The following TEX11 variants were observed in gnomAD, a reference collection of about 807,000 sequenced individuals.
The protein encoded by TEX11 is testis-expressed protein 11.
A neutral mutation model predicts 84.4 loss-of-function variants in TEX11; 7 were observed. The observed-to-expected ratio is 0.08, with a 90% CI of 0.05 to 0.16. TEX11 has a LOEUF of 0.16. Among genes scored for constraint, TEX11 ranks in the 10% least tolerant of loss-of-function variants. The pLI is 1.00. For synonymous variants in TEX11, 264 were observed against 222.8 expected (o/e 1.18, Z -1.64); for missense variants, 551 against 660.5 (o/e 0.83, Z 1.82).
chrX:70,644,929 A>G (rs189675729), intron 17 of TEX11, among the ~76,000 whole-genome samples: 1 of 109,507 alleles, frequency 9.1e-6, no homozygotes, highest in African/African-American at 3.3e-5. Context: ...TAATAAAAAA[A>G]ATTAAAAAAA....
intron 12 of TEX11, among the ~76,000 whole-genome samples, chrX:70,723,496 ATAAAC>A (rs900735900): frequency 3.3e-4 from 37 of 111,905 alleles, no homozygotes; most frequent in Non-Finnish European, 6.2e-4. Flanking sequence ...TAAAAGCAAA[ATAAAC>A]TAAGAGAAAA....
chrX:70,874,528 A>G (rs1321111904), intron 3 of TEX11, among the ~76,000 whole-genome samples: 1 of 104,959 alleles, frequency 9.5e-6, no homozygotes, highest in Non-Finnish European at 1.9e-5. Flanking sequence ...CAGCCTCCCA[A>G]GTAGCTGGGA....
chrX:70,705,813 T>C (rs1029838258), intron 13 of TEX11, among the ~76,000 whole-genome samples: 1 of 111,360 alleles, frequency 9.0e-6, no homozygotes, highest in African/African-American at 3.3e-5. Flanking sequence ...AAACAACAGG[T>C]GCTGGTGAGG....
intron 17 of TEX11, among the ~76,000 whole-genome samples, chrX:70,645,694 A>C (rs2089733338): frequency 8.9e-6 from 1 of 111,785 alleles, no homozygotes; most frequent in African/African-American, 3.2e-5. Context: ...ATAGCTACAA[A>C]AATATTTAGG....
At chrX:70,808,724 T>C (rs968405078) in intron 8 of TEX11, among the ~76,000 whole-genome samples, 2 of 109,541 alleles carry the variant, frequency 1.8e-5, no homozygotes, top group Non-Finnish European at 3.8e-5. Context: ...AAATTTTATA[T>C]TTAAAAAAAG....
At chrX:70,849,308 C>T (rs778207749) in intron 7 of TEX11, among the ~76,000 whole-genome samples, 1 of 112,127 alleles carries the variant, frequency 8.9e-6, no homozygotes, top group African/African-American at 3.2e-5. Context: ...ACACATAGCA[C>T]TGAACACTGC....
chrX:70,565,784 C>T (rs1300053838), intron 25 of TEX11, among the ~76,000 whole-genome samples: 1 of 111,360 alleles, frequency 9.0e-6, no homozygotes, highest in South Asian at 3.8e-4. Flanking sequence ...GGTACCAGTA[C>T]CATGCTGTTT....
chrX:70,891,411 AG>A (rs1199051943), intron 2 of TEX11, among the ~76,000 whole-genome samples: 3 of 111,639 alleles, frequency 2.7e-5, no homozygotes, highest in African/African-American at 9.8e-5. Context: ...AGACTTCAAA[AG>A]GTCAGTAATA....
At chrX:70,775,824 C>A in intron 9 of TEX11, among the ~76,000 whole-genome samples, 1 of 46,002 alleles carries the variant, frequency 2.2e-5, no homozygotes, top group Admixed American at 2.6e-4. Flanking sequence ...ATACAAATGG[C>A]CAAACAAGTA....
chrX:70,809,727 C>A (rs1161825004), intron 8 of TEX11, among the ~76,000 whole-genome samples: 3 of 110,383 alleles, frequency 2.7e-5, no homozygotes, highest in Non-Finnish European at 1.9e-5. Context: ...GAGATAGAGT[C>A]ACTCCGTCGC....
chrX:70,610,111 G>T (rs1244131809), intron 21 of TEX11, among the ~76,000 whole-genome samples: 1 of 103,699 alleles, frequency 9.6e-6, no homozygotes, highest in Non-Finnish European at 2.0e-5. Context: ...AGAAAAGAAA[G>T]GTAGAGGGAC....
intron 11 of TEX11, among the ~76,000 whole-genome samples, chrX:70,732,684 C>G (rs1334900319): frequency 9.0e-6 from 1 of 111,288 alleles, no homozygotes; most frequent in Non-Finnish European, 1.9e-5. Flanking sequence ...ATTCCATGCT[C>G]ATGGGTAGGA....
chrX:70,648,978 G>T (rs371733779), intron 17 of TEX11, among the ~76,000 whole-genome samples: 3 of 110,385 alleles, frequency 2.7e-5, no homozygotes, highest in African/African-American at 9.9e-5. Context: ...TTTGGTTTTC[G>T]GTTCCTGCAT....
At position 70,553,373 on chromosome X, in the gene TEX11, G is replaced by A. The variant is rs747873016; in HGVS notation, c.2332C>T (p.Leu778Phe). Reference sequence around the variant, plus strand: ...AATAAAGCCTTTTTCAAGGCCTTGAGAGCAATCAAAGGATAGTGTGCAGGC... The same window carrying A: ...AATAAAGCCTTTTTCAAGGCCTTGAAAGCAATCAAAGGATAGTGTGCAGGC... ...EKPAHYPLIA[L>F]KALKKALLLY... The change falls in exon 27 of 30, where the codon CTC (leucine) becomes TTC (phenylalanine). Residue 778 changes from leucine to phenylalanine, a missense_variant. Coordinates refer to ENST00000374333, the MANE Select transcript of TEX11 (RefSeq NM_031276.3). The A allele has an allele frequency of 8.3e-7, 1 of 1,208,468 alleles. No homozygotes were observed. The highest frequency in any genetic ancestry group is 1.1e-6 in the Non-Finnish European group (1 of 893,663).
chrX:70,531,315 T>C (rs1387663846), intron 28 of TEX11, among the ~76,000 whole-genome samples: 3 of 111,431 alleles, frequency 2.7e-5, no homozygotes, highest in Non-Finnish European at 5.6e-5. Context: ...TTTCCCTGGC[T>C]CTCCACAATT....
intron 2 of TEX11, among the ~76,000 whole-genome samples, chrX:70,903,144 G>GTGCTGCGATTACAGGCATGAGCCACCA (rs1569464134): frequency 9.0e-6 from 1 of 110,731 alleles, no homozygotes; most frequent in African/African-American, 3.3e-5. Flanking sequence ...ACCTCCTGAA[G>GTGCTGCGATTACAGGCATGAGCCACCA]GAACTGCCTG....
chrX:70,536,107 G>T, intron 28 of TEX11, among the ~76,000 whole-genome samples: 1 of 109,769 alleles, frequency 9.1e-6, no homozygotes, highest in African/African-American at 3.3e-5. Flanking sequence ...CTTCCTTTTG[G>T]ACTTTATTTT....
intron 9 of TEX11, among the ~76,000 whole-genome samples, chrX:70,762,451 A>G (rs1459997401): frequency 9.0e-6 from 1 of 111,510 alleles, no homozygotes; most frequent in African/African-American, 3.3e-5. Context: ...GCTGCACAGC[A>G]GGAGATGAGT....
chrX:70,762,824 A>T, intron 9 of TEX11, among the ~76,000 whole-genome samples: 1 of 110,878 alleles, frequency 9.0e-6, no homozygotes, highest in Non-Finnish European at 1.9e-5. Context: ...ACTTGAGCTC[A>T]GGAGTCCGAG....
Sources: allele counts gnomAD v4.1 joint callset (sites outside exome capture counted in the v4.1 genomes callset), GRCh38; gene constraint gnomAD v4.1.1; transcripts MANE v1.5; gene names NCBI Gene and HGNC (gene_info 2026-07-23, HGNC 2026-07-21).